The following PAM variants were observed in gnomAD, a reference collection of about 807,000 sequenced individuals.
PAM encodes peptidyl-glycine alpha-amidating monooxygenase.
Under a neutral mutation model 122.1 loss-of-function variants are expected in PAM, and 72 were observed. That is an observed-to-expected ratio of 0.59 (90% confidence interval 0.49 to 0.72). The LOEUF (loss-of-function observed/expected upper bound fraction) is 0.72. Ranked by LOEUF, PAM falls within the 30% of genes least tolerant of loss-of-function variation. The pLI, the probability that PAM is intolerant of heterozygous loss-of-function variation, is 0.00. For synonymous variants in PAM, 389 were observed against 404.4 expected, an observed-to-expected ratio of 0.96 and a Z score of 0.46; for missense variants, 1,106 against 1,183.7, an observed-to-expected ratio of 0.93 and a Z score of 0.96.
intron 3 of PAM, among the ~76,000 whole-genome samples, chr5:102,867,794 C>G (rs1786072891): frequency 6.6e-6 from 1 of 152,148 alleles, no homozygotes. Context: ...ATTGCAACCA[C>G]AAGTCAAGAA....
chr5:102,990,482 T>G, intron 16 of PAM, 81 bp downstream of exon 16: 1 of 1,036,128 alleles, frequency 9.7e-7, no homozygotes, highest in South Asian at 2.2e-5. Flanking sequence ...AGAATAATGG[T>G]GAGAGAACTA....
At chr5:102,796,112 A>G (rs1374892367) in intron 1 of PAM, among the ~76,000 whole-genome samples, 1 of 152,198 alleles carries the variant, frequency 6.6e-6, no homozygotes, top group Non-Finnish European at 1.5e-5. Flanking sequence ...GAGGCACTGG[A>G]CATTTGTAAC....
intron 12 of PAM, among the ~76,000 whole-genome samples, chr5:102,958,672 G>A (rs1761568816): frequency 6.6e-6 from 1 of 151,998 alleles, no homozygotes; most frequent in Non-Finnish European, 1.5e-5. Context: ...CATAAACAGA[G>A]CTTCCCATGG....
At chr5:102,969,545 G>A (rs540429787) in intron 14 of PAM, among the ~76,000 whole-genome samples, 95 of 152,194 alleles carry the variant, frequency 6.2e-4, no homozygotes, top group African/African-American at 2.2e-3. Flanking sequence ...GAGTACTGGT[G>A]GTAAGGAGGG....
In PAM at chr5:102,832,922, T is replaced by C. The variant is rs948885442; in HGVS notation, c.-373-32901T>C. Among the ~76,000 whole-genome samples, 3 of 152,282 alleles carry C rather than the reference T, an allele frequency of 2.0e-5. No individual in the cohort carries two copies. The East Asian group carries it at 5.8e-4, about 29-fold the overall frequency. On this transcript the variant is annotated intron_variant, in intron 1 of 25. Transcript: ENST00000438793. ...GAGACTTTCTGTCACCTTGAAACAA[T>C]TAAAATCAAGACTGTTTGACTTCAC...
chr5:102,815,459 C>T (rs1769467621), intron 1 of PAM, among the ~76,000 whole-genome samples: 1 of 152,156 alleles, frequency 6.6e-6, no homozygotes, highest in African/African-American at 2.4e-5. Flanking sequence ...CATTAAATTA[C>T]TAGTTTATCC....
intron 7 of PAM, among the ~76,000 whole-genome samples, chr5:102,935,753 G>A (rs1351135631): frequency 6.6e-6 from 1 of 151,654 alleles, no homozygotes; most frequent in East Asian, 1.9e-4. Flanking sequence ...TAAAAGATAA[G>A]AATTAACTGA....
chr5:102,933,530 G>T (rs1382016711), intron 7 of PAM, among the ~76,000 whole-genome samples: 1 of 152,184 alleles, frequency 6.6e-6, no homozygotes, highest in Non-Finnish European at 1.5e-5. Flanking sequence ...CTGAACACAG[G>T]GTGTGCATCT....
intron 16 of PAM, among the ~76,000 whole-genome samples, chr5:102,991,927 C>G (rs1269051176): frequency 6.6e-6 from 1 of 152,130 alleles, no homozygotes; most frequent in Non-Finnish European, 1.5e-5. Flanking sequence ...AAAATTACAG[C>G]ATCATTTTCT....
At chr5:102,914,560 C>A (rs550492575) in intron 5 of PAM, among the ~76,000 whole-genome samples, 1 of 151,980 alleles carries the variant, frequency 6.6e-6, no homozygotes, top group Admixed American at 6.6e-5. Context: ...TTATTCTACC[C>A]GAAGAGCATC....
chr5:102,987,825 G>A (rs1443939062), intron 15 of PAM, among the ~76,000 whole-genome samples: 1 of 152,086 alleles, frequency 6.6e-6, no homozygotes, highest in Non-Finnish European at 1.5e-5. Flanking sequence ...GCAAATTCAG[G>A]CATACCAGCT....
chr5:102,925,031 G>A lies in PAM; in HGVS notation c.431G>A (p.Arg144Gln), dbSNP rs181340861. ...YAWARNAPPT[R>Q]LPKGVGFRVG... The stretch of plus-strand genomic sequence containing the variant: ...TGGGCGAGAAATGCTCCCCCTACCC[G>A]GCTCCCCAAAGGTATGTCAGAGCCT... The change falls in exon 6 of 26, where the codon CGG becomes CAG. Residue 144 changes from arginine (R) to glutamine (Q), a missense_variant. This residue lies in a region of PAM where 670 missense variants were observed against 690.3 expected (regional missense o/e 0.97). Coordinates refer to ENST00000438793, the MANE Select transcript of PAM (RefSeq NM_001177306.2). 133 of 1,560,062 alleles carry A rather than the reference G, an allele frequency of 8.5e-5. 1 individual carries two copies. The East Asian group carries it at 1.4e-3, about 17-fold the overall frequency.
chr5:103,005,225 A>C lies in PAM; in HGVS notation c.1802A>C (p.Gln601Pro). The C allele has an allele frequency of 8.0e-7, 1 of 1,257,626 alleles. No homozygotes were observed. 77.9% of individuals were successfully genotyped at this position (1,257,626 alleles called of 1,614,324 possible). The stretch of plus-strand genomic sequence containing the variant: ...TGGGTCACAGACGTGGCTCTCCATC[A>C]GGTAGTCTTCCTTTTGGTAATATTC... ...NYWVTDVALH[Q>P]VFKLDPNNKE... is the part of the protein sequence containing the mutation. The change falls in exon 18 of 26, where the codon CAG (glutamine) becomes CCG (proline). Residue 601 changes from glutamine to proline, a missense_variant and splice_region_variant. Physicochemically the swap from Gln to Pro is moderately conservative, Grantham distance 76. Around this residue, in one of 3 missense-constraint regions of PAM, gnomAD observed 103 missense variants for 157.9 expected, o/e 0.65. Coordinates refer to ENST00000438793, the MANE Select transcript of PAM (RefSeq NM_001177306.2).
intron 5 of PAM, among the ~76,000 whole-genome samples, chr5:102,924,450 AAC>A (rs1266308044): frequency 6.6e-6 from 1 of 151,708 alleles, no homozygotes; most frequent in Non-Finnish European, 1.5e-5. Context: ...AAAAAAAAAA[AAC>A]AAAAAAACTC....
intron 13 of PAM, 33 bp downstream of exon 13, chr5:102,960,092 T>C (rs779055342): frequency 1.7e-6 from 2 of 1,188,564 alleles, no homozygotes. Flanking sequence ...AAGTAATATA[T>C]GATTTTGTAT....
At chr5:102,989,208 A>T (rs1001156240) in intron 15 of PAM, among the ~76,000 whole-genome samples, 1 of 152,166 alleles carries the variant, frequency 6.6e-6, no homozygotes, top group Non-Finnish European at 1.5e-5. Context: ...TATAAAAGGG[A>T]TTAACACAAG....
At chr5:102,779,335 A>G (rs529154237) in intron 1 of PAM, among the ~76,000 whole-genome samples, 50 of 152,132 alleles carry the variant, frequency 3.3e-4, no homozygotes, top group African/African-American at 1.2e-3. Context: ...ATTTCATTCA[A>G]TATGTAAATG....
At chr5:102,794,254 G>A (rs990038659) in intron 1 of PAM, among the ~76,000 whole-genome samples, 3 of 152,216 alleles carry the variant, frequency 2.0e-5, no homozygotes, top group Non-Finnish European at 4.4e-5. Context: ...GGGAGGCTGG[G>A]AATGGCTACA....
At chr5:102,798,842 T>C (rs1763996383) in intron 1 of PAM, among the ~76,000 whole-genome samples, 1 of 152,174 alleles carries the variant, frequency 6.6e-6, no homozygotes, top group African/African-American at 2.4e-5. Context: ...ATTTAAAATA[T>C]TTTAGCTTTT....
Sources: gnomAD v4.1 joint callset for allele counts (sites outside exome capture counted in the v4.1 genomes callset) on GRCh38, gnomAD v4.1.1 for gene constraint, gnomAD v4.1.1 regional missense constraint, MANE v1.5 for transcripts, NCBI Gene and HGNC (gene_info 2026-07-23, HGNC 2026-07-21) for gene names.